GPR158: variants seen among roughly 807,000 people sequenced by gnomAD.
The protein encoded by GPR158 is metabotropic glycine receptor.
In GPR158, 30 loss-of-function variants were observed where a neutral mutation model predicts 78.2. That is an observed-to-expected ratio of 0.38 (90% CI 0.29 to 0.52). The LOEUF is 0.52. GPR158 is among the 20% of genes least tolerant of loss of function. The probability of loss-of-function intolerance (pLI) is 0.83; values close to 1 mark genes in which losing one functional copy is unlikely to be tolerated. For missense variants in GPR158, 1,463 were observed against 1,523.5 expected, an observed-to-expected ratio of 0.96 and a Z score of 0.66; for synonymous variants, 581 against 591.1, an observed-to-expected ratio of 0.98 and a Z score of 0.25.
intron 2 of GPR158, among the ~76,000 whole-genome samples, chr10:25,375,003 C>T (rs985772740): frequency 6.6e-6 from 1 of 151,650 alleles, no homozygotes; most frequent in Non-Finnish European, 1.5e-5. Context: ...TTTTACATCC[C>T]TATGATCAAT....
At chr10:25,237,906 C>T (rs975548014) in intron 2 of GPR158, among the ~76,000 whole-genome samples, 1 of 151,746 alleles carries the variant, frequency 6.6e-6, no homozygotes, top group Non-Finnish European at 1.5e-5. Flanking sequence ...CCTCTCTATC[C>T]CCTCCTTTTC....
intron 2 of GPR158, among the ~76,000 whole-genome samples, chr10:25,257,235 C>T (rs1853900292): frequency 6.6e-6 from 1 of 152,166 alleles, no homozygotes; most frequent in Admixed American, 6.5e-5. Flanking sequence ...CTAGAACTTA[C>T]TCCTGTAATA....
chr10:25,474,110 G>A (rs1835548588), intron 5 of GPR158, among the ~76,000 whole-genome samples: 3 of 152,062 alleles, frequency 2.0e-5, no homozygotes. Flanking sequence ...CAACTTTGAA[G>A]ATAAATGAGG....
At chr10:25,371,312 G>A (rs936655237) in intron 2 of GPR158, among the ~76,000 whole-genome samples, 1 of 151,888 alleles carries the variant, frequency 6.6e-6, no homozygotes, top group South Asian at 2.1e-4. Context: ...GGTACCAGTT[G>A]TTCCTTTCCA....
intron 2 of GPR158, among the ~76,000 whole-genome samples, chr10:25,377,586 G>C (rs912826983): frequency 2.0e-5 from 3 of 151,894 alleles, no homozygotes; most frequent in African/African-American, 7.3e-5. Flanking sequence ...CTGTCTTGAT[G>C]GATTTGCCTA....
intron 6 of GPR158, among the ~76,000 whole-genome samples, chr10:25,563,331 TATTTC>T (rs1836882743): frequency 6.6e-6 from 1 of 152,102 alleles, no homozygotes; most frequent in Non-Finnish European, 1.5e-5. Flanking sequence ...TACAAACTAT[TATTTC>T]ATTAGATCTA....
chr10:25,539,388 G>C (rs1460045430), intron 5 of GPR158, among the ~76,000 whole-genome samples: 1 of 152,148 alleles, frequency 6.6e-6, no homozygotes, highest in Non-Finnish European at 1.5e-5. Context: ...TTCAGAGAAT[G>C]AGGCCTGTGG....
At chr10:25,380,154 A>G (rs1834135336) in intron 2 of GPR158, among the ~76,000 whole-genome samples, 1 of 152,078 alleles carries the variant, frequency 6.6e-6, no homozygotes, top group Non-Finnish European at 1.5e-5. Context: ...ATTTGGGAAC[A>G]TTGCAGTGAA....
intron 5 of GPR158, among the ~76,000 whole-genome samples, chr10:25,517,261 G>T (rs1588895186): frequency 6.6e-6 from 1 of 150,768 alleles, no homozygotes; most frequent in Admixed American, 6.6e-5. Flanking sequence ...TCAGCTTAAG[G>T]AGATTTTGGG....
At chr10:25,431,255 A>G (rs1336525439) in intron 4 of GPR158, among the ~76,000 whole-genome samples, 2 of 115,892 alleles carry the variant, frequency 1.7e-5, no homozygotes, top group South Asian at 3.2e-4. Flanking sequence ...AACACATGAA[A>G]AAATGCTCAT....
intron 2 of GPR158, among the ~76,000 whole-genome samples, chr10:25,389,398 T>C (rs1461453518): frequency 6.6e-6 from 1 of 152,116 alleles, no homozygotes; most frequent in Non-Finnish European, 1.5e-5. Flanking sequence ...TGCTGAGAGC[T>C]CGACAGTCAT....
At chr10:25,472,670 G>A (rs1322390331) in intron 5 of GPR158, among the ~76,000 whole-genome samples, 2 of 152,074 alleles carry the variant, frequency 1.3e-5, no homozygotes, top group African/African-American at 2.4e-5. Flanking sequence ...CCTTGAAGAG[G>A]TCCTTCACAT....
chr10:25,342,185 A>G (rs994521856), intron 2 of GPR158, among the ~76,000 whole-genome samples: 1 of 151,960 alleles, frequency 6.6e-6, no homozygotes, highest in Non-Finnish European at 1.5e-5. Flanking sequence ...CACTTTAATC[A>G]TTAAGCCCTG....
intron 2 of GPR158, among the ~76,000 whole-genome samples, chr10:25,355,195 G>GTTTTTGAAGATAAATTTTTAATA (rs2130525034): frequency 7.7e-6 from 1 of 129,464 alleles, no homozygotes; most frequent in East Asian, 2.0e-4. Flanking sequence ...TCTAGCATTG[G>GTTTTTGAAGATAAATTTTTAATA]TCTTTAGGTA....
chr10:25,257,504 T>G (rs1280026125), intron 2 of GPR158, among the ~76,000 whole-genome samples: 1 of 152,212 alleles, frequency 6.6e-6, no homozygotes, highest in East Asian at 1.9e-4. Flanking sequence ...GTAATAATTC[T>G]GCTCTATTTT....
At chr10:25,453,212 C>T (rs949017320) in intron 4 of GPR158, among the ~76,000 whole-genome samples, 1 of 152,174 alleles carries the variant, frequency 6.6e-6, no homozygotes, top group African/African-American at 2.4e-5. Context: ...CTTCGACATA[C>T]TGATTTCATT....
intron 2 of GPR158, among the ~76,000 whole-genome samples, chr10:25,367,268 A>G (rs905096610): frequency 1.3e-5 from 2 of 151,398 alleles, no homozygotes; most frequent in African/African-American, 2.4e-5. Flanking sequence ...TTTTCCTACT[A>G]CCTGTGTCAT....
intron 5 of GPR158, among the ~76,000 whole-genome samples, chr10:25,517,063 G>C (rs990942912): frequency 6.7e-6 from 1 of 149,958 alleles, no homozygotes. Flanking sequence ...GTGGCTTGTA[G>C]TTCTCCTTGA....
At chr10:25,436,336 G>T (rs1293594639) in intron 4 of GPR158, among the ~76,000 whole-genome samples, 1 of 152,178 alleles carries the variant, frequency 6.6e-6, no homozygotes, top group African/African-American at 2.4e-5. Context: ...AAGTGGGCAG[G>T]TAGATATTTG....
Sources: gnomAD v4.1 joint callset for allele counts (sites outside exome capture counted in the v4.1 genomes callset) on GRCh38, gnomAD v4.1.1 for gene constraint, MANE v1.5 for transcripts, NCBI Gene and HGNC (gene_info 2026-07-23, HGNC 2026-07-21) for gene names.